The following DCAF13 variants were observed in gnomAD, a reference collection of about 807,000 sequenced individuals.
The protein encoded by DCAF13 is DDB1- and CUL4-associated factor 13.
Under a neutral mutation model 59.0 loss-of-function variants are expected in DCAF13, and 38 were observed. The ratio of observed to expected loss-of-function variants is 0.64; its 90% CI spans 0.50 to 0.84. DCAF13 has a LOEUF of 0.84. Ranked by LOEUF, DCAF13 falls within the 40% of genes least tolerant of loss-of-function variation. The pLI, the probability that DCAF13 is intolerant of heterozygous loss-of-function variation, is 0.00. For synonymous variants in DCAF13, 173 were observed against 175.0 expected (o/e 0.99, Z 0.09); for missense variants, 469 against 558.4 (o/e 0.84, Z 1.61).
chr8:103,421,946 C>A (rs534626354), intron 3 of DCAF13, among the ~76,000 whole-genome samples: 2 of 152,308 alleles, frequency 1.3e-5, no homozygotes, highest in East Asian at 3.9e-4. Context: ...AATACCAATT[C>A]AAGTTCATTG....
intron 3 of DCAF13, among the ~76,000 whole-genome samples, chr8:103,423,517 G>T (rs949263278): frequency 7.2e-5 from 11 of 152,124 alleles, no homozygotes; most frequent in Admixed American, 4.6e-4. Flanking sequence ...GGAGTAAAAT[G>T]GTCATTACTA....
At chr8:103,416,644 A>G (rs1014365058) in intron 1 of DCAF13, among the ~76,000 whole-genome samples, 9 of 152,080 alleles carry the variant, frequency 5.9e-5, no homozygotes, top group Non-Finnish European at 8.8e-5. Context: ...CTGTGATTCT[A>G]TCACTTCTTC....
chr8:103,440,300 A>G (rs376889407), intron 9 of DCAF13, 29 bp downstream of exon 9: 1 of 1,520,390 alleles, frequency 6.6e-7, no homozygotes, highest in Non-Finnish European at 8.8e-7. Context: ...TTTCATTGTC[A>G]TAAAGCTGAT....
intron 8 of DCAF13, among the ~76,000 whole-genome samples, chr8:103,439,213 G>A (rs3134270): frequency 6.6e-5 from 10 of 151,254 alleles, no homozygotes; most frequent in Non-Finnish European, 1.3e-4. Flanking sequence ...ACCTGGTCTC[G>A]ATCTCCTGAC....
chr8:103,441,643 A>G (rs777116764), intron 10 of DCAF13, 25 bp downstream of exon 10: 2 of 1,603,774 alleles, frequency 1.2e-6, no homozygotes, highest in South Asian at 1.1e-5. Flanking sequence ...ATTTGACTCT[A>G]TTACCCTTTT....
At chr8:103,441,758 C>G in intron 10 of DCAF13, 140 bp downstream of exon 10, 1 of 770,436 alleles carries the variant, frequency 1.3e-6, no homozygotes, top group Non-Finnish European at 2.1e-6. Flanking sequence ...TTGAAGACTT[C>G]TACAGAAGGC....
chr8:103,424,167 C>T (rs2130480445), intron 3 of DCAF13, among the ~76,000 whole-genome samples: 2 of 152,128 alleles, frequency 1.3e-5, no homozygotes, highest in South Asian at 4.2e-4. Context: ...TACAGGTGCC[C>T]ACCACCACTC....
chr8:103,441,781 CTTT>C (rs59392618), intron 10 of DCAF13, 163 bp downstream of exon 10: 400 of 509,196 alleles, frequency 7.9e-4, no homozygotes, highest in East Asian at 9.1e-4. Context: ...TTTCTTTTTT[CTTT>C]TTTTTTTTTT....
At chr8:103,415,981 T>G (rs934634755) in intron 1 of DCAF13, among the ~76,000 whole-genome samples, 2 of 152,262 alleles carry the variant, frequency 1.3e-5, no homozygotes, top group Non-Finnish European at 2.9e-5. Flanking sequence ...TTACCATCCC[T>G]TAAGAAGTTT....
intron 3 of DCAF13, 60 bp downstream of exon 3, chr8:103,421,142 G>A: frequency 2.6e-6 from 3 of 1,156,472 alleles, no homozygotes; most frequent in African/African-American, 1.5e-5. Context: ...TAATCTAATT[G>A]AATACATTTT....
At chr8:103,429,946 TAATTC>T (rs1195206023) in intron 5 of DCAF13, 1 of 152,138 alleles carries the variant, frequency 6.6e-6, no homozygotes, top group Non-Finnish European at 1.5e-5. Context: ...CCTAAGGAAA[TAATTC>T]AAAAGAAGAA....
chr8:103,437,661 T>TA lies in DCAF13; in HGVS notation c.950+1873dup, dbSNP rs1382986843. Among the ~76,000 whole-genome samples the TA allele has an allele frequency of 2.0e-5, 3 of 152,258 alleles. No homozygotes were observed. The East Asian group carries it at 5.8e-4, about 29-fold the overall frequency. ...CCTTTATCTGCTTGAAAGCTAGTTCTAATTTGTTTCTGTGGTTTGTTTCCT... is the reference window on the plus strand; with the variant it reads ...CCTTTATCTGCTTGAAAGCTAGTTCTAAATTTGTTTCTGTGGTTTGTTTCCT... On this transcript the variant is annotated intron_variant, in intron 8 of 10. Coordinates refer to ENST00000612750, the MANE Select transcript of DCAF13 (RefSeq NM_015420.7).
intron 3 of DCAF13, among the ~76,000 whole-genome samples, chr8:103,425,748 A>G (rs1416906836): frequency 2.0e-5 from 3 of 152,170 alleles, no homozygotes; most frequent in Admixed American, 6.5e-5. Context: ...TTATAATACC[A>G]TTTTTTATAA....
At chr8:103,423,010 A>G (rs1563502748) in intron 3 of DCAF13, among the ~76,000 whole-genome samples, 1 of 152,108 alleles carries the variant, frequency 6.6e-6, no homozygotes, top group Admixed American at 6.5e-5. Context: ...AAAAAAAAAA[A>G]CTTATTTGCT....
intron 6 of DCAF13, among the ~76,000 whole-genome samples, chr8:103,432,138 G>C (rs1816873381): frequency 1.3e-5 from 2 of 152,174 alleles, no homozygotes; most frequent in Admixed American, 1.3e-4. Context: ...ACCAGGTACA[G>C]TTCTGGGAAT....
chr8:103,441,704 G>C, intron 10 of DCAF13, 86 bp downstream of exon 10: 1 of 1,289,146 alleles, frequency 7.8e-7, no homozygotes, highest in Non-Finnish European at 1.1e-6. Context: ...CCATTCAAGG[G>C]AGTAGTTTAT....
In DCAF13 at chr8:103,442,953, G is replaced by T. The variant is rs1271699235; in HGVS notation, c.*71G>T. 46 of 1,069,746 alleles carry T rather than the reference G, an allele frequency of 4.3e-5. No individual in the cohort carries two copies. Among genetic ancestry groups the T allele is most frequent in the Non-Finnish European group, 5.7e-5 (42 of 733,298 alleles). The allele number at this position is 1,069,746 out of a possible 1,614,324, so 66.3% of individuals were successfully genotyped here. A position where few individuals can be genotyped will look rare whatever the true frequency, so the allele number is the denominator to read the frequency against. ...ATTTGAGAACTCTACAAATAAAAGT[G>T]CTGGGACTAGATTAATTGCAAACAT... is the stretch of plus-strand genomic sequence containing the variant. On this transcript the variant is annotated 3_prime_UTR_variant, in exon 11 of 11. Coordinates refer to ENST00000612750, the MANE Select transcript of DCAF13 (RefSeq NM_015420.7).
At chr8:103,420,715 T>A (rs1816711039) in intron 2 of DCAF13, 6 of 581,808 alleles carry the variant, frequency 1.0e-5, no homozygotes, top group Admixed American at 3.4e-5. Context: ...GTATGAGTTT[T>A]TTCACAGATG....
intron 3 of DCAF13, among the ~76,000 whole-genome samples, chr8:103,422,197 C>G (rs1816731089): frequency 6.6e-6 from 1 of 152,086 alleles, no homozygotes; most frequent in Non-Finnish European, 1.5e-5. Context: ...GGAGTACCAG[C>G]AAGTTTTGAA....
Sources: gnomAD v4.1 joint callset for allele counts (sites outside exome capture counted in the v4.1 genomes callset) on GRCh38, gnomAD v4.1.1 for gene constraint, MANE v1.5 for transcripts, NCBI Gene and HGNC (gene_info 2026-07-23, HGNC 2026-07-21) for gene names.